The following GRM5 variants were observed in gnomAD, a reference collection of about 807,000 sequenced individuals.
The protein encoded by GRM5 is metabotropic glutamate receptor 5.
In GRM5, 19 loss-of-function variants were observed where a neutral mutation model predicts 83.1. The ratio of observed to expected loss-of-function variants is 0.23; its 90% CI spans 0.16 to 0.34. The LOEUF (loss-of-function observed/expected upper bound fraction) is 0.34. GRM5 is among the 10% of genes least tolerant of loss of function. The pLI is 1.00. For synonymous variants in GRM5, 675 were observed against 633.6 expected, an observed-to-expected ratio of 1.07 and a Z score of -0.98; for missense variants, 1,160 against 1,588.3, an observed-to-expected ratio of 0.73 and a Z score of 4.58.
At chr11:89,055,242 G>A (rs1019740852) in intron 1 of GRM5, among the ~76,000 whole-genome samples, 2 of 152,156 alleles carry the variant, frequency 1.3e-5, no homozygotes, top group African/African-American at 2.4e-5. Flanking sequence ...ATTTATTGGC[G>A]GTGTGTCCTT....
At chr11:88,777,302 C>T (rs1909399) in intron 3 of GRM5, among the ~76,000 whole-genome samples, 75,395 of 152,038 alleles carry the variant, frequency 0.5, 22,637 homozygotes, top group Non-Finnish European at 0.7. Flanking sequence ...CATTTAAGGT[C>T]TTCTCTATGC....
chr11:88,614,756 C>T (rs1938423255), intron 4 of GRM5, among the ~76,000 whole-genome samples: 1 of 152,138 alleles, frequency 6.6e-6, no homozygotes, highest in Non-Finnish European at 1.5e-5. Context: ...AAACTATCCA[C>T]ACTGTATATA....
intron 3 of GRM5, among the ~76,000 whole-genome samples, chr11:88,721,390 T>G (rs1169018735): frequency 6.6e-6 from 1 of 152,108 alleles, no homozygotes. Flanking sequence ...TTTCATATTT[T>G]ATTGATTCTA....
chr11:88,583,081 A>C (rs1319259240), intron 7 of GRM5, among the ~76,000 whole-genome samples: 1 of 151,962 alleles, frequency 6.6e-6, no homozygotes, highest in Non-Finnish European at 1.5e-5. Flanking sequence ...AATCTTCCCC[A>C]TGTTTTTATT....
intron 2 of GRM5, among the ~76,000 whole-genome samples, chr11:89,028,414 G>A (rs1453846162): frequency 6.6e-6 from 1 of 152,046 alleles, no homozygotes; most frequent in African/African-American, 2.4e-5. Context: ...GAGACTATGT[G>A]TCTACAAAAA....
intron 3 of GRM5, among the ~76,000 whole-genome samples, chr11:88,715,704 G>C (rs972966878): frequency 2.0e-5 from 3 of 152,000 alleles, no homozygotes; most frequent in African/African-American, 7.2e-5. Flanking sequence ...TTTACTGTGT[G>C]CCAACTATGT....
At position 88,567,560 on chromosome 11, in the gene GRM5, A is replaced by T. The variant is rs1228150625; in HGVS notation, c.2123T>A (p.Ile708Asn). 1 of 1,613,658 alleles carries T rather than the reference A, an allele frequency of 6.2e-7. No individual in the cohort carries two copies. Among genetic ancestry groups the T allele is most frequent in the Non-Finnish European group, 8.5e-7 (1 of 1,179,634 alleles). The change falls in exon 8 of 10, where the codon ATC becomes AAC. Residue 708 changes from isoleucine to asparagine, a missense_variant. Ile to Asn is a moderately radical substitution (Grantham distance 149). Transcript: ENST00000305447. The surrounding 1 kb of genome is among the most constrained non-coding windows in gnomAD (Gnocchi z 7.3). Reference sequence around the variant, plus strand: ...AGGCTCCATTATAAAGAGGGCAACGATGATGCCCAACTGGATGCATATGAG... The same window carrying T: ...AGGCTCCATTATAAAGAGGGCAACGTTGATGCCCAACTGGATGCATATGAG... ...FILICIQLGI[I>N]VALFIMEPPD...
Position 88,929,335 on chromosome 11 carries a change from A to G in GRM5, c.662-79180T>C, listed in dbSNP as rs140956797. On this transcript the variant is annotated intron_variant, in intron 2 of 9. Coordinates refer to ENST00000305447, the MANE Select transcript of GRM5 (RefSeq NM_001143831.3). ...ATATGCTTTGTAAAGCAAGATTTAA[A>G]CAATTAACAACATACAATTTACTTT... 3.7e-3 allele frequency among the ~76,000 whole-genome samples: 562 copies of G among 152,274 alleles called. 9 individuals carry two copies. The highest frequency in any genetic ancestry group is 6.3e-4 in the Non-Finnish European group (43 of 68,008).
intron 3 of GRM5, among the ~76,000 whole-genome samples, chr11:88,794,654 G>A (rs1943240706): frequency 6.6e-6 from 1 of 152,086 alleles, no homozygotes; most frequent in Non-Finnish European, 1.5e-5. Flanking sequence ...AAGTTTAATG[G>A]AACTTGAAAA....
intron 5 of GRM5, among the ~76,000 whole-genome samples, chr11:88,600,230 CTCCTCCTCCT>C (rs1937940687): frequency 6.7e-6 from 1 of 149,532 alleles, no homozygotes; most frequent in African/African-American, 2.5e-5. Flanking sequence ...TTCCTCAATC[CTCCTCCTCCT>C]TCCTCCTCCT....
intron 3 of GRM5, among the ~76,000 whole-genome samples, chr11:88,785,654 CTAGT>C (rs1943055315): frequency 1.3e-5 from 2 of 151,962 alleles, no homozygotes; most frequent in South Asian, 4.1e-4. Context: ...GTTCTTTGGC[CTAGT>C]TAGTCATTTC....
chr11:89,056,203 G>A (rs1001341409), intron 1 of GRM5, among the ~76,000 whole-genome samples: 38 of 152,058 alleles, frequency 2.5e-4, no homozygotes, highest in African/African-American at 8.5e-4. Context: ...TGTTTCTCCT[G>A]GTTTACAACT....
chr11:88,512,039 C>A (rs546404274), intron 9 of GRM5: 2 of 152,174 alleles, frequency 1.3e-5, no homozygotes, highest in Non-Finnish European at 2.9e-5. Flanking sequence ...AAAAGTTTCT[C>A]TCTCTCTCTC....
intron 3 of GRM5, among the ~76,000 whole-genome samples, chr11:88,778,144 A>C (rs1020611887): frequency 1.3e-5 from 2 of 151,490 alleles, no homozygotes; most frequent in African/African-American, 2.4e-5. Context: ...CTGTTTACCT[A>C]CTCAAGCCTC....
chr11:89,040,181 G>A (rs1278379387), intron 2 of GRM5, among the ~76,000 whole-genome samples: 1 of 151,936 alleles, frequency 6.6e-6, no homozygotes, highest in Non-Finnish European at 1.5e-5. Context: ...CTTTCTTGGA[G>A]TCACAGAGTA....
At chr11:88,547,155 A>G (rs1403415529) in intron 8 of GRM5, among the ~76,000 whole-genome samples, 1 of 152,172 alleles carries the variant, frequency 6.6e-6, no homozygotes, top group African/African-American at 2.4e-5. Context: ...CAGAGTGGGA[A>G]GTAGAAAAAT....
At chr11:89,038,879 G>T (rs1941457463) in intron 2 of GRM5, among the ~76,000 whole-genome samples, 1 of 152,144 alleles carries the variant, frequency 6.6e-6, no homozygotes, top group African/African-American at 2.4e-5. Flanking sequence ...AACTTTAGCT[G>T]CAGAAAAAAA....
chr11:88,824,078 G>A (rs531091661), intron 3 of GRM5, among the ~76,000 whole-genome samples: 3 of 152,146 alleles, frequency 2.0e-5, no homozygotes, highest in Non-Finnish European at 2.9e-5. Context: ...GTTACTACTT[G>A]TCCATTTTAA....
At chr11:88,867,434 G>A (rs1944690796) in intron 2 of GRM5, among the ~76,000 whole-genome samples, 1 of 151,676 alleles carries the variant, frequency 6.6e-6, no homozygotes, top group South Asian at 2.1e-4. Flanking sequence ...CCATACATAG[G>A]CTGTTCAGTT....
Sources: gnomAD v4.1 joint callset for allele counts (sites outside exome capture counted in the v4.1 genomes callset) on GRCh38, gnomAD v4.1.1 for gene constraint, Gnocchi (gnomAD v3.1) non-coding constraint, MANE v1.5 for transcripts, NCBI Gene and HGNC (gene_info 2026-07-23, HGNC 2026-07-21) for gene names.